CACNA1A: variants seen among roughly 807,000 people sequenced by gnomAD.
The protein encoded by CACNA1A is voltage-dependent P/Q-type calcium channel subunit alpha-1A.
CACNA1A carries 57 observed loss-of-function variants against 262.4 expected under a neutral mutation model. The ratio of observed to expected loss-of-function variants is 0.22; its 90% confidence interval spans 0.18 to 0.27. The LOEUF (loss-of-function observed/expected upper bound fraction) is 0.27, where lower values mean the gene tolerates loss of function less well. CACNA1A is among the 10% of genes least tolerant of loss of function. CACNA1A has a pLI of 1.00. For missense variants in CACNA1A, 2,526 were observed against 3,562.8 expected (o/e 0.71, Z 7.41); for synonymous variants, 1,431 against 1,419.3 (o/e 1.01, Z -0.18).
intron 3 of CACNA1A, among the ~76,000 whole-genome samples, chr19:13,392,048 G>C (rs944618190): frequency 7.3e-6 from 1 of 136,408 alleles, no homozygotes; most frequent in Non-Finnish European, 1.6e-5. Context: ...AAAAAAAAAA[G>C]AAAAAAAAGA....
intron 3 of CACNA1A, among the ~76,000 whole-genome samples, chr19:13,431,693 T>C (rs1321589274): frequency 1.3e-5 from 2 of 152,142 alleles, no homozygotes; most frequent in Admixed American, 1.3e-4. Context: ...TACTATTCAG[T>C]CTTTAAAAAG....
At chr19:13,479,158 G>A (rs1040130349) in intron 1 of CACNA1A, among the ~76,000 whole-genome samples, 1 of 152,106 alleles carries the variant, frequency 6.6e-6, no homozygotes, top group Non-Finnish European at 1.5e-5. Flanking sequence ...TGGGTAACAA[G>A]AGCAAAACCT....
intron 3 of CACNA1A, among the ~76,000 whole-genome samples, chr19:13,373,129 T>G (rs2059352739): frequency 1.3e-5 from 2 of 152,242 alleles, no homozygotes; most frequent in South Asian, 4.1e-4. Flanking sequence ...AATGGAAGGT[T>G]GGTCACAGCA....
At chr19:13,411,898 A>G (rs1024436029) in intron 3 of CACNA1A, among the ~76,000 whole-genome samples, 9 of 151,956 alleles carry the variant, frequency 5.9e-5, no homozygotes, top group African/African-American at 1.7e-4. Context: ...TTTTTTTTGT[A>G]GAGACAGGGG....
intron 10 of CACNA1A, among the ~76,000 whole-genome samples, chr19:13,324,649 C>T (rs2058317877): frequency 6.6e-6 from 1 of 152,190 alleles, no homozygotes; most frequent in Non-Finnish European, 1.5e-5. Flanking sequence ...AGGAGGATCA[C>T]TTGAGGCCAG....
intron 6 of CACNA1A, among the ~76,000 whole-genome samples, chr19:13,341,309 TCTTGATGGTCTGTGGCCCAGCTGAC>T (rs141340709): frequency 0.67 from 101,208 of 151,780 alleles, 34,001 homozygotes; most frequent in Admixed American, 0.75. Context: ...CCAGCTGACA[TCTTGATGGTCTGTGGCCCAGCTGAC>T]CTTGATGGTC....
intron 6 of CACNA1A, among the ~76,000 whole-genome samples, chr19:13,344,921 A>ATT (rs35698126): frequency 1.3e-5 from 2 of 149,912 alleles, no homozygotes; most frequent in Admixed American, 1.3e-4. Context: ...CGCTCAGCTA[A>ATT]TTTTTTTGTA....
At chr19:13,272,750 A>T (rs191115573) in intron 24 of CACNA1A, 9 of 139,758 alleles carry the variant, frequency 6.4e-5, no homozygotes, top group Middle Eastern at 2.7e-3. Flanking sequence ...AAAGAAAAGG[A>T]GGGGAGAGGG....
intron 25 of CACNA1A, chr19:13,262,514 T>C (rs2056757908): frequency 1.9e-6 from 1 of 521,098 alleles, no homozygotes; most frequent in Admixed American, 3.2e-5. Flanking sequence ...AGACACTTCA[T>C]CTAAAGAAAA....
intron 1 of CACNA1A, among the ~76,000 whole-genome samples, chr19:13,464,763 T>A (rs890097403): frequency 1.3e-5 from 2 of 151,830 alleles, no homozygotes; most frequent in Non-Finnish European, 2.9e-5. Flanking sequence ...TTAGCCAGGG[T>A]GGTCTCGATC....
In CACNA1A at chr19:13,505,999, G is replaced by T; in HGVS notation, c.226C>A (p.Arg76=). 1.2e-6 allele frequency: 2 copies of T among 1,613,928 alleles called. No individual in the cohort carries two copies. Among genetic ancestry groups the T allele is most frequent in the Non-Finnish European group, 1.7e-6 (2 of 1,179,856 alleles). ...TCTTCGCTGAAGAGGAAGAGAGACC[G>T]GTTAACCGTGAGGCAGTTCTGTCGG... is the stretch of plus-strand genomic sequence containing the variant. ...PVRQNCLTVN[R]SLFLFSEDNV... Residue 76 remains arginine (R), a synonymous_variant, in exon 1 of 47, where the codon CGG becomes AGG. Transcript: ENST00000360228.
intron 15 of CACNA1A, among the ~76,000 whole-genome samples, chr19:13,307,055 T>G (rs184449942): frequency 6.6e-6 from 1 of 152,084 alleles, no homozygotes; most frequent in East Asian, 1.9e-4. Flanking sequence ...CTCAACCTCC[T>G]GGGCTCAAGC....
chr19:13,207,743 G>A lies in CACNA1A; in HGVS notation c.7091C>T (p.Ser2364Leu), dbSNP rs899566544. ...PPTGGHSSGR[S>L]PRMERRVPGP... is the part of the protein sequence containing the mutation. ...TGGGACCCGCCTCTCCATCCTGGGC[G>A]AGCGGCCGCTGCTGTGGCCCCCCGT... The change falls in exon 47 of 47, where the codon TCG (serine) becomes TTG (leucine). Residue 2364 changes from serine to leucine, a missense_variant. Around this residue, in one of 17 missense-constraint regions of CACNA1A, gnomAD observed 929 missense variants for 868.1 expected, o/e 1.07. Coordinates refer to ENST00000360228, the MANE Select transcript of CACNA1A (RefSeq NM_001127222.2). The surrounding 1 kb of genome is among the most constrained non-coding windows in gnomAD (Gnocchi z 5.7). 2 of 1,370,934 alleles carry A rather than the reference G, an allele frequency of 1.5e-6. No homozygotes were observed. Among genetic ancestry groups the A allele is most frequent in the East Asian group, 3.1e-5 (1 of 32,412 alleles). 84.9% of individuals were successfully genotyped at this position (1,370,934 alleles called of 1,614,324 possible). A position where few individuals can be genotyped will look rare whatever the true frequency, so the allele number is the denominator to read the frequency against.
At chr19:13,211,979 A>G in intron 43 of CACNA1A, 124 bp downstream of exon 43, 1 of 660,494 alleles carries the variant, frequency 1.5e-6, no homozygotes, top group East Asian at 2.7e-5. Context: ...CAGAGACTGA[A>G]GGAGTCCCTA....
intron 24 of CACNA1A, chr19:13,275,411 T>G (rs1054308365): frequency 5.3e-6 from 1 of 187,506 alleles, no homozygotes; most frequent in Non-Finnish European, 1.1e-5. Flanking sequence ...AGTCACCAGG[T>G]CTACAACTAC....
chr19:13,220,143 C>G (rs532908282), intron 38 of CACNA1A, among the ~76,000 whole-genome samples: 18 of 152,132 alleles, frequency 1.2e-4, no homozygotes, highest in African/African-American at 4.3e-4. Flanking sequence ...CACCTGTAAT[C>G]TCAGCTACTC....
intron 10 of CACNA1A, among the ~76,000 whole-genome samples, chr19:13,321,890 A>T (rs2058261458): frequency 6.6e-6 from 1 of 152,108 alleles, no homozygotes; most frequent in African/African-American, 2.4e-5. Context: ...AAATTTACAA[A>T]AAAAAATTTA....
chr19:13,502,735 T>C (rs1220039204), intron 1 of CACNA1A, among the ~76,000 whole-genome samples: 5 of 152,182 alleles, frequency 3.3e-5, no homozygotes, highest in Non-Finnish European at 7.3e-5. Context: ...TTAATTGTCA[T>C]TGATGGCTTC....
chr19:13,248,656 G>A (rs2056316858), intron 30 of CACNA1A, among the ~76,000 whole-genome samples: 1 of 151,996 alleles, frequency 6.6e-6, no homozygotes, highest in Non-Finnish European at 1.5e-5. Context: ...CAACCTGGCT[G>A]ACGTGGTGAA....
Sources: allele counts gnomAD v4.1 joint callset (sites outside exome capture counted in the v4.1 genomes callset), GRCh38; gene constraint gnomAD v4.1.1; regional missense constraint gnomAD v4.1.1; non-coding constraint Gnocchi (gnomAD v3.1); transcripts MANE v1.5; gene names NCBI Gene and HGNC (gene_info 2026-07-23, HGNC 2026-07-21).